RABGAP1L: variants seen among roughly 807,000 people sequenced by gnomAD.
The protein encoded by RABGAP1L is RAB GTPase activating protein 1 like.
In RABGAP1L, 63 loss-of-function variants were observed where a neutral mutation model predicts 137.7. The ratio of observed to expected loss-of-function variants is 0.46; its 90% CI spans 0.37 to 0.56. RABGAP1L has a LOEUF of 0.56. RABGAP1L is among the 20% of genes least tolerant of loss of function. The pLI is 0.00. For synonymous variants in RABGAP1L, 431 were observed against 433.7 expected, an observed-to-expected ratio of 0.99 and a Z score of 0.08; for missense variants, 1,095 against 1,244.0, an observed-to-expected ratio of 0.88 and a Z score of 1.80.
At chr1:174,477,858 GCATTTAGAGATCAGT>G (rs2149322960) in intron 13 of RABGAP1L, among the ~76,000 whole-genome samples, 1 of 152,066 alleles carries the variant, frequency 6.6e-6, no homozygotes, top group Non-Finnish European at 1.5e-5. Context: ...GCTTAAATTA[GCATTTAGAGATCAGT>G]CATTTAGAGA....
chr1:174,972,707 A>G (rs1444878356), intron 21 of RABGAP1L, among the ~76,000 whole-genome samples: 1 of 152,082 alleles, frequency 6.6e-6, no homozygotes, highest in African/African-American at 2.4e-5. Context: ...ACAAAAAATT[A>G]GCCAGGTGTG....
At chr1:174,434,916 T>C (rs1260429315) in intron 13 of RABGAP1L, among the ~76,000 whole-genome samples, 1 of 152,224 alleles carries the variant, frequency 6.6e-6, no homozygotes, top group Non-Finnish European at 1.5e-5. Context: ...AATACTGTCT[T>C]TGGCTTGCTG....
At chr1:174,375,777 T>C (rs1282797901) in intron 12 of RABGAP1L, among the ~76,000 whole-genome samples, 1 of 151,864 alleles carries the variant, frequency 6.6e-6, no homozygotes, top group African/African-American at 2.4e-5. Flanking sequence ...AAGAAAAAAA[T>C]AATAAGACTG....
chr1:174,415,580 G>A (rs972930136), intron 13 of RABGAP1L, among the ~76,000 whole-genome samples: 5 of 151,960 alleles, frequency 3.3e-5, no homozygotes, highest in Admixed American at 6.6e-5. Context: ...GCATCATGAC[G>A]CTTCTACCTT....
intron 13 of RABGAP1L, among the ~76,000 whole-genome samples, chr1:174,607,738 T>C (rs188139071): frequency 7.4e-4 from 112 of 152,358 alleles, no homozygotes; most frequent in African/African-American, 2.3e-3. Flanking sequence ...TTATTTCCAG[T>C]GGCTATTTGG....
chr1:174,928,046 T>C (rs1254234324), intron 19 of RABGAP1L, among the ~76,000 whole-genome samples: 1 of 152,208 alleles, frequency 6.6e-6, no homozygotes, highest in Non-Finnish European at 1.5e-5. Context: ...AAATTTGAAC[T>C]CCTTACTGTG....
chr1:174,349,435 A>G (rs867256570), intron 11 of RABGAP1L, among the ~76,000 whole-genome samples: 90 of 56,200 alleles, frequency 1.6e-3, no homozygotes, highest in East Asian at 6.3e-3. Context: ...CTCCCGGACG[A>G]GGCGGCTGGC....
At chr1:174,586,349 A>G (rs138719039) in intron 13 of RABGAP1L, among the ~76,000 whole-genome samples, 21,519 of 144,826 alleles carry the variant, frequency 0.15, 5,156 homozygotes, top group African/African-American at 0.5. Context: ...ATGAGAACAC[A>G]TGGACACAGG....
chr1:174,904,782 G>A (rs1658757141), intron 19 of RABGAP1L, among the ~76,000 whole-genome samples: 1 of 151,866 alleles, frequency 6.6e-6, no homozygotes, highest in Non-Finnish European at 1.5e-5. Flanking sequence ...CCTGAGTATT[G>A]GGACTACAGG....
At chr1:174,981,598 C>T (rs1187153602) in intron 23 of RABGAP1L, among the ~76,000 whole-genome samples, 1 of 96,966 alleles carries the variant, frequency 1.0e-5, no homozygotes, top group Non-Finnish European at 1.9e-5. Flanking sequence ...CAAGGTCTTG[C>T]TCTGTCACCC....
intron 13 of RABGAP1L, among the ~76,000 whole-genome samples, chr1:174,430,544 G>A (rs1201769207): frequency 6.6e-6 from 1 of 152,118 alleles, no homozygotes; most frequent in East Asian, 1.9e-4. Context: ...TTGGCAGTAA[G>A]TAAATCTTTT....
intron 18 of RABGAP1L, among the ~76,000 whole-genome samples, chr1:174,787,351 T>C (rs945661149): frequency 6.8e-6 from 1 of 147,490 alleles, no homozygotes; most frequent in Non-Finnish European, 1.5e-5. Context: ...TGCAGTGAGC[T>C]GACATTGCAC....
intron 20 of RABGAP1L, 86 bp from the exon 21 acceptor site, chr1:174,969,190 CT>C (rs1669920349): frequency 9.8e-7 from 1 of 1,024,144 alleles, no homozygotes; most frequent in Non-Finnish European, 1.5e-6. Flanking sequence ...TGAAAGTTCA[CT>C]TTGTTGCTTG....
intron 13 of RABGAP1L, among the ~76,000 whole-genome samples, chr1:174,502,752 A>G (rs1169442525): frequency 6.6e-6 from 1 of 151,718 alleles, no homozygotes; most frequent in Non-Finnish European, 1.5e-5. Flanking sequence ...ATATTCCAGA[A>G]TATTCCAGAA....
rs1241107830 is a variant in RABGAP1L at position 174,992,710 on chromosome 1, T to C, written c.*2709T>C. The C allele has an allele frequency of 6.6e-6, 1 of 152,170 alleles. No individual in the cohort carries two copies. Among genetic ancestry groups the C allele is most frequent in the African/African-American group, 2.4e-5 (1 of 41,436 alleles). 9.4% of individuals were successfully genotyped at this position (152,170 alleles called of 1,614,324 possible). On this transcript the variant is annotated 3_prime_UTR_variant, in exon 26 of 26. Coordinates refer to ENST00000681986, the MANE Select transcript of RABGAP1L (RefSeq NM_001366446.1). The stretch of plus-strand genomic sequence containing the variant: ...ATATGATTGTTCATACAATATGTTA[T>C]AATAGCAATATTCCAAACAATATGT...
chr1:174,901,205 A>T (rs1573741125), intron 19 of RABGAP1L, among the ~76,000 whole-genome samples: 2 of 152,080 alleles, frequency 1.3e-5, no homozygotes, highest in Admixed American at 1.3e-4. Flanking sequence ...TTGTTTTATC[A>T]TGATTCTTAG....
At chr1:174,558,041 T>C (rs1243438475) in intron 13 of RABGAP1L, among the ~76,000 whole-genome samples, 1 of 152,246 alleles carries the variant, frequency 6.6e-6, no homozygotes, top group Non-Finnish European at 1.5e-5. Flanking sequence ...GCCGCTTCCT[T>C]ATCCCCTGAA....
intron 13 of RABGAP1L, among the ~76,000 whole-genome samples, chr1:174,582,406 G>A (rs1010263169): frequency 2.6e-5 from 4 of 152,118 alleles, no homozygotes; most frequent in African/African-American, 9.7e-5. Context: ...ATGAAAATCA[G>A]GCAAGAGGTA....
At chr1:174,376,712 C>G (rs1318520081) in intron 12 of RABGAP1L, among the ~76,000 whole-genome samples, 1 of 152,140 alleles carries the variant, frequency 6.6e-6, no homozygotes, top group African/African-American at 2.4e-5. Context: ...AGGGACCTTT[C>G]TTAACCTGAT....
Sources: gnomAD v4.1 joint callset for allele counts (sites outside exome capture counted in the v4.1 genomes callset) on GRCh38, gnomAD v4.1.1 for gene constraint, MANE v1.5 for transcripts, NCBI Gene and HGNC (gene_info 2026-07-23, HGNC 2026-07-21) for gene names.